The following RBFOX1 variants were observed in gnomAD, a reference collection of about 807,000 sequenced individuals.
The protein encoded by RBFOX1 is RNA binding protein fox-1 homolog 1.
RBFOX1 carries 8 observed loss-of-function variants against 57.7 expected under a neutral mutation model. That is an observed-to-expected ratio of 0.14 (90% confidence interval 0.08 to 0.25). The LOEUF (loss-of-function observed/expected upper bound fraction) is 0.25, where lower values mean the gene tolerates loss of function less well. Ranked by LOEUF, RBFOX1 falls within the 10% of genes least tolerant of loss-of-function variation. RBFOX1 has a pLI of 1.00. For synonymous variants in RBFOX1, 326 were observed against 222.4 expected (o/e 1.47, Z -4.15); for missense variants, 611 against 548.5 (o/e 1.11, Z -1.14).
intron 11 of RBFOX1, among the ~76,000 whole-genome samples, chr16:7,637,410 T>C (rs1221585671): frequency 6.6e-6 from 1 of 152,202 alleles, no homozygotes; most frequent in East Asian, 1.9e-4. Flanking sequence ...TAGTTTCAAC[T>C]GATATATTGA....
intron 10 of RBFOX1, among the ~76,000 whole-genome samples, chr16:7,616,871 G>T (rs2058533714): frequency 1.3e-5 from 2 of 152,012 alleles, no homozygotes; most frequent in South Asian, 4.2e-4. Flanking sequence ...TCTAAGGCCT[G>T]ATATTTTATC....
intron 2 of RBFOX1, among the ~76,000 whole-genome samples, chr16:5,506,692 G>A (rs2043391254): frequency 6.6e-6 from 1 of 152,252 alleles, no homozygotes; most frequent in South Asian, 2.1e-4. Context: ...AGAGAAGGGA[G>A]TGAGGTGTGG....
intron 2 of RBFOX1, among the ~76,000 whole-genome samples, chr16:6,351,091 A>G (rs1221801686): frequency 6.6e-6 from 1 of 152,060 alleles, no homozygotes; most frequent in Admixed American, 6.6e-5. Flanking sequence ...AAAACTTACG[A>G]AGCAGGAGTT....
At chr16:6,904,421 T>C in intron 3 of RBFOX1, among the ~76,000 whole-genome samples, 1 of 151,476 alleles carries the variant, frequency 6.6e-6, no homozygotes, top group Admixed American at 6.6e-5. Context: ...GCCAACATGG[T>C]GAATCCTCCT....
At chr16:5,611,271 C>G (rs2047776218) in intron 3 of RBFOX1, 1 of 152,174 alleles carries the variant, frequency 6.6e-6, no homozygotes, top group Non-Finnish European at 1.5e-5. Context: ...TTCATGGACC[C>G]CAGGCTCCAC....
At chr16:5,360,304 T>C (rs1316586251) in intron 1 of RBFOX1, among the ~76,000 whole-genome samples, 2 of 152,206 alleles carry the variant, frequency 1.3e-5, no homozygotes, top group East Asian at 3.9e-4. Flanking sequence ...AGATCAGCTC[T>C]AGAGACTCCA....
chr16:5,633,070 C>G (rs954431151), intron 3 of RBFOX1, among the ~76,000 whole-genome samples: 2 of 151,352 alleles, frequency 1.3e-5, no homozygotes, highest in South Asian at 4.2e-4. Context: ...TCCTGAGTAG[C>G]TGGGACTGTA....
chr16:7,376,160 T>G (rs760276676), intron 4 of RBFOX1, among the ~76,000 whole-genome samples: 14 of 152,228 alleles, frequency 9.2e-5, no homozygotes, highest in Non-Finnish European at 2.1e-4. Flanking sequence ...GATTGCATTT[T>G]TGGAACATAT....
chr16:7,269,916 C>A (rs1232732961), intron 4 of RBFOX1, among the ~76,000 whole-genome samples: 1 of 152,190 alleles, frequency 6.6e-6, no homozygotes, highest in Non-Finnish European at 1.5e-5. Context: ...TCATTACCAA[C>A]ATTATTTGGT....
intron 1 of RBFOX1, among the ~76,000 whole-genome samples, chr16:6,056,041 T>G (rs1351798245): frequency 1.3e-5 from 2 of 152,196 alleles, no homozygotes; most frequent in Admixed American, 1.3e-4. Flanking sequence ...ATGAGGGTTC[T>G]TGGGGTGGGA....
chr16:5,695,224 T>G (rs2041253), intron 3 of RBFOX1, among the ~76,000 whole-genome samples: 43,205 of 151,848 alleles, frequency 0.28, 7,282 homozygotes, highest in East Asian at 0.81. Flanking sequence ...TTTACTCTAA[T>G]ATTGAAATTT....
chr16:6,788,459 ATTAT>A (rs903294226), intron 3 of RBFOX1, among the ~76,000 whole-genome samples: 7 of 150,904 alleles, frequency 4.6e-5, no homozygotes, highest in East Asian at 3.9e-4. Flanking sequence ...TTTTTTTATT[ATTAT>A]TTATTTATTT....
At chr16:7,574,034 A>G (rs903810772) in intron 5 of RBFOX1, among the ~76,000 whole-genome samples, 2 of 152,046 alleles carry the variant, frequency 1.3e-5, no homozygotes, top group Non-Finnish European at 2.9e-5. Flanking sequence ...ATTACACACT[A>G]TGCTTTTGTC....
intron 2 of RBFOX1, among the ~76,000 whole-genome samples, chr16:6,546,561 C>G (rs1021315355): frequency 1.3e-5 from 2 of 152,290 alleles, no homozygotes; most frequent in Non-Finnish European, 2.9e-5. Context: ...ATGTGGCATT[C>G]TCCCTGGCTC....
chr16:7,069,315 G>C (rs1171781054), intron 4 of RBFOX1, among the ~76,000 whole-genome samples: 3 of 152,104 alleles, frequency 2.0e-5, no homozygotes, highest in African/African-American at 7.2e-5. Flanking sequence ...ATTAAGCCCT[G>C]CGTGCATTAG....
chr16:6,926,535 T>C (rs1018271507), intron 3 of RBFOX1, among the ~76,000 whole-genome samples: 7 of 152,160 alleles, frequency 4.6e-5, no homozygotes, highest in Non-Finnish European at 8.8e-5. Flanking sequence ...AGGGAGAGGC[T>C]TTCTGGAAAA....
chr16:6,916,145 C>A (rs572893691), intron 3 of RBFOX1, among the ~76,000 whole-genome samples: 1 of 152,048 alleles, frequency 6.6e-6, no homozygotes, highest in Non-Finnish European at 1.5e-5. Context: ...CCAGGAGAGG[C>A]AAGAATGATC....
intron 4 of RBFOX1, among the ~76,000 whole-genome samples, chr16:7,259,930 T>C (rs1354390112): frequency 1.3e-5 from 2 of 152,202 alleles, no homozygotes; most frequent in African/African-American, 2.4e-5. Context: ...CCTGCCAATT[T>C]ATACTGTCAT....
At chr16:5,927,933 C>T (rs1012352964) in intron 4 of RBFOX1, among the ~76,000 whole-genome samples, 1 of 152,108 alleles carries the variant, frequency 6.6e-6, no homozygotes, top group South Asian at 2.1e-4. Flanking sequence ...ATGGTGGTTA[C>T]CAGAGGCTGG....
Sources: allele counts gnomAD v4.1 joint callset (sites outside exome capture counted in the v4.1 genomes callset), GRCh38; gene constraint gnomAD v4.1.1; transcripts MANE v1.5; gene names NCBI Gene and HGNC (gene_info 2026-07-23, HGNC 2026-07-21).